The following PEX5L variants were observed in gnomAD, a reference collection of about 807,000 sequenced individuals.
The protein encoded by PEX5L is peroxisomal biogenesis factor 5 like, also known as PEX5-related protein.
A neutral mutation model predicts 84.0 loss-of-function variants in PEX5L; 30 were observed. The ratio of observed to expected loss-of-function variants is 0.36; its 90% confidence interval spans 0.27 to 0.48. PEX5L has a LOEUF of 0.48. Among genes scored for constraint, PEX5L ranks in the 20% least tolerant of loss-of-function variants. The probability of loss-of-function intolerance (pLI) is 0.99; values close to 1 mark genes in which losing one functional copy is unlikely to be tolerated. For missense variants in PEX5L, 533 were observed against 754.6 expected (o/e 0.71, Z 3.44); for synonymous variants, 270 against 283.1 (o/e 0.95, Z 0.46).
chr3:179,826,243 T>C (rs1730452947), intron 8 of PEX5L, among the ~76,000 whole-genome samples: 1 of 152,330 alleles, frequency 6.6e-6, no homozygotes, highest in Non-Finnish European at 1.5e-5. Flanking sequence ...GTTCTGTTAT[T>C]TCCTTTCTCT....
chr3:179,916,833 T>G (rs1767324724), intron 2 of PEX5L, among the ~76,000 whole-genome samples: 1 of 151,690 alleles, frequency 6.6e-6, no homozygotes, highest in Non-Finnish European at 1.5e-5. Context: ...CCACTCCCGG[T>G]GAATTTTTGT....
Position 179,807,774 on chromosome 3 carries a change from CCT to C in PEX5L, c.1574_1575del (p.Glu525GlyfsTer86). On this transcript the variant is annotated frameshift_variant, in exon 14 of 15. Transcript: ENST00000467460. LOFTEE classifies it high-confidence loss of function. The stretch of plus-strand genomic sequence containing the variant: ...GCTCGCGTATAGGCCTCCACGGCTT[CCT>C]CGCTGCGGTCTCCGTTCGCCAAGGT... ...GATLANGDRS[E>X]EAVEAYTRAL... The C allele has an allele frequency of 6.2e-7, 1 of 1,614,114 alleles. No homozygotes were observed. Among genetic ancestry groups the C allele is most frequent in the Non-Finnish European group, 8.5e-7 (1 of 1,179,992 alleles).
At chr3:179,855,626 T>C (rs552291942) in intron 8 of PEX5L, among the ~76,000 whole-genome samples, 3 of 152,182 alleles carry the variant, frequency 2.0e-5, no homozygotes, top group Non-Finnish European at 2.9e-5. Context: ...CTCAAATTCG[T>C]ATGTTGAAAC....
chr3:180,028,334 AT>A (rs1429088965), intron 1 of PEX5L, among the ~76,000 whole-genome samples: 3 of 152,146 alleles, frequency 2.0e-5, no homozygotes, highest in Non-Finnish European at 4.4e-5. Flanking sequence ...TTCTAATTCA[AT>A]TTTTCAGGGC....
At chr3:179,955,510 C>A (rs1314569828) in intron 2 of PEX5L, among the ~76,000 whole-genome samples, 1 of 137,480 alleles carries the variant, frequency 7.3e-6, no homozygotes, top group Non-Finnish European at 1.6e-5. Flanking sequence ...AAAAAGAAGG[C>A]ACAGGTGTTA....
intron 8 of PEX5L, among the ~76,000 whole-genome samples, chr3:179,847,480 C>T (rs1430417641): frequency 6.6e-6 from 1 of 152,012 alleles, no homozygotes; most frequent in Non-Finnish European, 1.5e-5. Context: ...TATTAAACAG[C>T]TATATACCCA....
At chr3:179,868,170 G>A (rs1041247038) in intron 7 of PEX5L, among the ~76,000 whole-genome samples, 3 of 149,924 alleles carry the variant, frequency 2.0e-5, no homozygotes, top group East Asian at 2.0e-4. Context: ...ATGAGTCACC[G>A]CACCCAGCCC....
chr3:179,990,591 T>C (rs1253965784), intron 1 of PEX5L, among the ~76,000 whole-genome samples: 1 of 152,120 alleles, frequency 6.6e-6, no homozygotes, highest in Non-Finnish European at 1.5e-5. Flanking sequence ...TTTGTAGAGA[T>C]AAGGTCTCAA....
intron 1 of PEX5L, among the ~76,000 whole-genome samples, chr3:180,023,406 T>TA (rs2110515077): frequency 6.6e-6 from 1 of 152,308 alleles, no homozygotes; most frequent in East Asian, 1.9e-4. Context: ...TGAGGAGACA[T>TA]ACGGCAGCAT....
chr3:180,006,395 T>C (rs1371088771), intron 1 of PEX5L, among the ~76,000 whole-genome samples: 1 of 152,046 alleles, frequency 6.6e-6, no homozygotes, highest in Non-Finnish European at 1.5e-5. Flanking sequence ...AAAAAATATA[T>C]AAGGTCATTG....
At position 179,814,181 on chromosome 3, in the gene PEX5L, C is replaced by T. The variant is rs566294218; in HGVS notation, c.1083+1680G>A. Among the ~76,000 whole-genome samples, 189 of 152,224 alleles carry T rather than the reference C, an allele frequency of 1.2e-3. 1 individual carries two copies. Among genetic ancestry groups the T allele is most frequent in the African/African-American group, 4.4e-3 (181 of 41,536 alleles). On this transcript the variant is annotated intron_variant, in intron 10 of 14. Coordinates refer to ENST00000467460, the MANE Select transcript of PEX5L (RefSeq NM_016559.3). ...TTCAGCTTTCAGTTCAACCCCATTT[C>T]ACTGTAAGCCTTTTGAACAAGATAT...
chr3:179,953,669 T>C (rs1779709426), intron 2 of PEX5L, among the ~76,000 whole-genome samples: 1 of 152,176 alleles, frequency 6.6e-6, no homozygotes, highest in Admixed American at 6.6e-5. Context: ...CATCTCTAAA[T>C]GATCCATCGT....
At chr3:179,814,749 T>G (rs2108857897) in intron 10 of PEX5L, among the ~76,000 whole-genome samples, 1 of 151,728 alleles carries the variant, frequency 6.6e-6, no homozygotes, top group South Asian at 2.1e-4. Context: ...GAGAAAGGGG[T>G]TTTTCTAACA....
intron 3 of PEX5L, among the ~76,000 whole-genome samples, chr3:179,894,625 C>G (rs972920463): frequency 6.6e-6 from 1 of 152,056 alleles, no homozygotes; most frequent in Non-Finnish European, 1.5e-5. Context: ...GAAATGGAAA[C>G]CCAAACAAGG....
At chr3:179,957,458 A>G (rs1291834488) in intron 2 of PEX5L, among the ~76,000 whole-genome samples, 1 of 152,130 alleles carries the variant, frequency 6.6e-6, no homozygotes, top group Non-Finnish European at 1.5e-5. Context: ...AGGGGTGGCT[A>G]AATATCAGCT....
rs1468436282 is a variant in PEX5L at position 179,796,272 on chromosome 3, T to G, written c.*5556A>C. ...TGTTGTTTCCATCTTAATATTATTTTGAGTGCAGGCTTCTATTAAGTATCC... is the reference window on the plus strand; with the variant it reads ...TGTTGTTTCCATCTTAATATTATTTGGAGTGCAGGCTTCTATTAAGTATCC... On this transcript the variant is annotated 3_prime_UTR_variant, in exon 15 of 15. Transcript: ENST00000467460. The G allele has an allele frequency of 6.6e-6, 1 of 152,188 alleles. No homozygotes were observed. Among genetic ancestry groups the G allele is most frequent in the African/African-American group, 2.4e-5 (1 of 41,436 alleles). 9.4% of individuals were successfully genotyped at this position (152,188 alleles called of 1,614,324 possible).
intron 3 of PEX5L, among the ~76,000 whole-genome samples, chr3:179,889,055 G>C (rs140755374): frequency 8.5e-5 from 13 of 152,212 alleles, no homozygotes; most frequent in African/African-American, 3.1e-4. Context: ...GAGATTACAG[G>C]TGTGAGCCAC....
intron 2 of PEX5L, among the ~76,000 whole-genome samples, chr3:179,950,306 C>T (rs1166560382): frequency 7.3e-6 from 1 of 137,476 alleles, no homozygotes; most frequent in Admixed American, 8.3e-5. Context: ...GGGAACTGAA[C>T]AATGAGAACA....
chr3:180,014,366 G>A (rs1263505027), intron 1 of PEX5L, among the ~76,000 whole-genome samples: 1 of 152,064 alleles, frequency 6.6e-6, no homozygotes. Context: ...CAGCTACTCC[G>A]GAGGCTGAGG....
Sources: gnomAD v4.1 joint callset for allele counts (sites outside exome capture counted in the v4.1 genomes callset) on GRCh38, gnomAD v4.1.1 for gene constraint, MANE v1.5 for transcripts, NCBI Gene and HGNC (gene_info 2026-07-23, HGNC 2026-07-21) for gene names.